FGF14: variants seen among roughly 807,000 people sequenced by gnomAD.
The protein encoded by FGF14 is fibroblast growth factor 14.
Under a neutral mutation model 25.5 loss-of-function variants are expected in FGF14, and 5 were observed. That is an observed-to-expected ratio of 0.20 (90% CI 0.10 to 0.41). FGF14 has a LOEUF of 0.41. Ranked by LOEUF, FGF14 falls within the 10% of genes least tolerant of loss-of-function variation. The pLI is 1.00. For missense variants in FGF14, 222 were observed against 320.1 expected, an observed-to-expected ratio of 0.69 and a Z score of 2.34; for synonymous variants, 138 against 118.3, an observed-to-expected ratio of 1.17 and a Z score of -1.08.
chr13:101,856,008 G>A (rs1328853987), intron 3 of FGF14, among the ~76,000 whole-genome samples: 1 of 150,978 alleles, frequency 6.6e-6, no homozygotes, highest in Non-Finnish European at 1.5e-5. Context: ...ATTAAATAAA[G>A]TCTCACTGCT....
rs774872814 is a variant in FGF14 at position 102,006,727 on chromosome 13, C to CTTTTTT, written c.209-131437_209-131432dup. ...AAATATGAGTCACAAAATCTTACTT[C>CTTTTTT]TTTTTTTTTTTTTTTTTTTTTTTTT... On this transcript the variant is annotated intron_variant, in intron 1 of 4. Transcript: ENST00000376131. Among the ~76,000 whole-genome samples, 584 of 61,978 alleles carry CTTTTTT rather than the reference C, an allele frequency of 9.4e-3. 70 individuals carry two copies. The highest frequency in any genetic ancestry group is 0.012 in the East Asian group (22 of 1,896). 40.7% of individuals were successfully genotyped at this position (61,978 alleles called of 152,430 possible).
At chr13:102,125,603 TTC>T in intron 1 of FGF14, among the ~76,000 whole-genome samples, 1 of 152,288 alleles carries the variant, frequency 6.6e-6, no homozygotes. Context: ...GGATGAAATA[TTC>T]TCTCTCAGGA....
At chr13:101,890,061 A>G (rs2046192313) in intron 1 of FGF14, among the ~76,000 whole-genome samples, 1 of 152,220 alleles carries the variant, frequency 6.6e-6, no homozygotes, top group Admixed American at 6.5e-5. Flanking sequence ...GAGTTCTAAA[A>G]TTCAGTTCCT....
At chr13:101,818,173 A>C (rs2041935395) in intron 3 of FGF14, among the ~76,000 whole-genome samples, 2 of 152,208 alleles carry the variant, frequency 1.3e-5, no homozygotes, top group Non-Finnish European at 2.9e-5. Flanking sequence ...TGAATCCACT[A>C]AGAATATTCT....
intron 1 of FGF14, among the ~76,000 whole-genome samples, chr13:102,131,831 G>A (rs559469282): frequency 1.3e-5 from 2 of 152,052 alleles, no homozygotes; most frequent in Non-Finnish European, 1.5e-5. Context: ...TGGTAATCAC[G>A]GAAACACAAA....
intron 3 of FGF14, among the ~76,000 whole-genome samples, chr13:101,753,533 G>A (rs2037438780): frequency 6.6e-6 from 1 of 152,086 alleles, no homozygotes; most frequent in South Asian, 2.1e-4. Context: ...GGCCAGGCGC[G>A]ATGGCTCACG....
intron 1 of FGF14, among the ~76,000 whole-genome samples, chr13:102,165,333 A>G (rs1254363992): frequency 6.6e-6 from 1 of 152,104 alleles, no homozygotes; most frequent in African/African-American, 2.4e-5. Context: ...CCAAAGGATT[A>G]TAAATCATGC....
chr13:102,207,417 G>A (rs2049973988), intron 1 of FGF14, among the ~76,000 whole-genome samples: 1 of 151,654 alleles, frequency 6.6e-6, no homozygotes, highest in African/African-American at 2.4e-5. Flanking sequence ...TCTAAACTCA[G>A]GGAAATTGAC....
At chr13:101,863,572 A>G (rs2044538805) in intron 3 of FGF14, among the ~76,000 whole-genome samples, 1 of 152,160 alleles carries the variant, frequency 6.6e-6, no homozygotes, top group African/African-American at 2.4e-5. Context: ...GAGACAGGAC[A>G]GGTGCTAGGG....
intron 1 of FGF14, among the ~76,000 whole-genome samples, chr13:101,976,274 T>C (rs1437053689): frequency 1.3e-5 from 2 of 152,170 alleles, no homozygotes; most frequent in African/African-American, 4.8e-5. Flanking sequence ...CCTTATCCAG[T>C]TTGTATTTCA....
At chr13:102,362,745 G>A (rs1394287357) in intron 1 of FGF14, among the ~76,000 whole-genome samples, 1 of 152,006 alleles carries the variant, frequency 6.6e-6, no homozygotes, top group Non-Finnish European at 1.5e-5. Context: ...TTTATCCAAT[G>A]CCAAAAGAAG....
At chr13:101,740,197 T>C (rs1456400633) in intron 3 of FGF14, among the ~76,000 whole-genome samples, 1 of 152,188 alleles carries the variant, frequency 6.6e-6, no homozygotes, top group Non-Finnish European at 1.5e-5. Flanking sequence ...CCCAGCTGAA[T>C]AAAGCCCTTC....
At chr13:102,205,028 T>C (rs746303732) in intron 1 of FGF14, among the ~76,000 whole-genome samples, 2 of 152,192 alleles carry the variant, frequency 1.3e-5, no homozygotes, top group African/African-American at 4.8e-5. Flanking sequence ...AGTATATGTA[T>C]TTTCCTTCTC....
chr13:102,061,601 C>T (rs1218789340), intron 1 of FGF14, among the ~76,000 whole-genome samples: 1 of 152,162 alleles, frequency 6.6e-6, no homozygotes, highest in African/African-American at 2.4e-5. Context: ...CTTATCATGG[C>T]AGACTGTATT....
chr13:102,380,649 A>G (rs955357981), intron 1 of FGF14, among the ~76,000 whole-genome samples: 7 of 152,206 alleles, frequency 4.6e-5, no homozygotes, highest in Non-Finnish European at 1.0e-4. Flanking sequence ...AGGAATGTTT[A>G]CGTTTTGCAA....
chr13:102,292,115 T>C (rs2054438596), intron 1 of FGF14, among the ~76,000 whole-genome samples: 2 of 151,970 alleles, frequency 1.3e-5, no homozygotes, highest in Admixed American at 6.6e-5. Flanking sequence ...GCCAATTTGT[T>C]TTTCTGGCTT....
intron 1 of FGF14, among the ~76,000 whole-genome samples, chr13:101,997,007 T>G (rs1420896456): frequency 6.6e-6 from 1 of 152,194 alleles, no homozygotes; most frequent in East Asian, 1.9e-4. Flanking sequence ...CTCACTTTAT[T>G]TAAATGCCAT....
chr13:102,013,532 C>G (rs1196857288), intron 1 of FGF14, among the ~76,000 whole-genome samples: 1 of 152,092 alleles, frequency 6.6e-6, no homozygotes, highest in Admixed American at 6.5e-5. Flanking sequence ...TTAAGATGTT[C>G]CCCACTGAAA....
intron 1 of FGF14, among the ~76,000 whole-genome samples, chr13:102,051,471 G>A (rs1166606799): frequency 6.6e-6 from 1 of 152,102 alleles, no homozygotes; most frequent in African/African-American, 2.4e-5. Flanking sequence ...GCCACTTCAA[G>A]TGAACCCACA....
Sources: allele counts gnomAD v4.1 joint callset (sites outside exome capture counted in the v4.1 genomes callset), GRCh38; gene constraint gnomAD v4.1.1; transcripts MANE v1.5; gene names NCBI Gene and HGNC (gene_info 2026-07-23, HGNC 2026-07-21).